The following FBLN5 variants were observed in gnomAD, a reference collection of about 807,000 sequenced individuals.
FBLN5 encodes fibulin 5.
In FBLN5, 24 loss-of-function variants were observed where a neutral mutation model predicts 61.6. The ratio of observed to expected loss-of-function variants is 0.39; its 90% CI spans 0.28 to 0.55. The LOEUF (loss-of-function observed/expected upper bound fraction) is 0.55, where lower values mean the gene tolerates loss of function less well. Ranked by LOEUF, FBLN5 falls within the 20% of genes least tolerant of loss-of-function variation. The pLI is 0.65. For missense variants in FBLN5, 470 were observed against 594.1 expected (o/e 0.79, Z 2.17); for synonymous variants, 213 against 219.8 (o/e 0.97, Z 0.27).
chr14:91,892,063 G>A (rs1478678474), intron 5 of FBLN5, among the ~76,000 whole-genome samples: 1 of 152,196 alleles, frequency 6.6e-6, no homozygotes, highest in East Asian at 1.9e-4. Context: ...GAAAGCGGCG[G>A]CACTGTGGGT....
intron 4 of FBLN5, among the ~76,000 whole-genome samples, chr14:91,921,429 C>G (rs1414845953): frequency 6.6e-6 from 1 of 152,102 alleles, no homozygotes; most frequent in Admixed American, 6.5e-5. Context: ...CGTTTCTTCC[C>G]CTCTTGAAGT....
chr14:91,912,317 C>T (rs941978149), intron 4 of FBLN5, among the ~76,000 whole-genome samples: 7 of 152,042 alleles, frequency 4.6e-5, no homozygotes, highest in African/African-American at 1.4e-4. Context: ...AGCAACATAG[C>T]GAGACCCTGT....
chr14:91,919,250 G>A (rs985808811), intron 4 of FBLN5, among the ~76,000 whole-genome samples: 1 of 151,100 alleles, frequency 6.6e-6, no homozygotes, highest in Non-Finnish European at 1.5e-5. Flanking sequence ...AAAATGATGT[G>A]AACTTGGGAG....
chr14:91,902,907 A>C (rs745691739), intron 4 of FBLN5, among the ~76,000 whole-genome samples: 10 of 152,156 alleles, frequency 6.6e-5, no homozygotes, highest in Non-Finnish European at 1.3e-4. Flanking sequence ...AGATGGCCAC[A>C]ATAGACATTG....
In FBLN5 at chr14:91,923,809, C is replaced by A. The variant is rs78064911; in HGVS notation, c.379+13138G>T. Among the ~76,000 whole-genome samples, 564 of 152,260 alleles carry A rather than the reference C, an allele frequency of 3.7e-3. 3 individuals are homozygous for A. The highest frequency in any genetic ancestry group is 0.013 in the African/African-American group (533 of 41,534). ...CTCGTTCATCCTTAGACCCTCCTAGCCCTTGGCAGTGTCTGACACAGAAAA... is the reference window on the plus strand; with the variant it reads ...CTCGTTCATCCTTAGACCCTCCTAGACCTTGGCAGTGTCTGACACAGAAAA... On this transcript the variant is annotated intron_variant, in intron 4 of 10. Coordinates refer to ENST00000342058, the MANE Select transcript of FBLN5 (RefSeq NM_006329.4).
At chr14:91,891,086 G>A (rs1889973872) in intron 6 of FBLN5, 135 bp downstream of exon 6, 1 of 724,914 alleles carries the variant, frequency 1.4e-6, no homozygotes. Flanking sequence ...GTAGTAATGG[G>A]GATGGGCGGG....
intron 4 of FBLN5, among the ~76,000 whole-genome samples, chr14:91,928,171 C>A (rs2055861055): frequency 6.6e-6 from 1 of 152,226 alleles, no homozygotes; most frequent in Admixed American, 6.5e-5. Context: ...GCTGTTAAAA[C>A]ACACGCAACA....
At chr14:91,876,947 A>G (rs914162932) in intron 10 of FBLN5, among the ~76,000 whole-genome samples, 1 of 151,878 alleles carries the variant, frequency 6.6e-6, no homozygotes, top group Non-Finnish European at 1.5e-5. Context: ...CCCATCTCAC[A>G]CCACCTCCCC....
chr14:91,922,531 G>A (rs1156448975), intron 4 of FBLN5, among the ~76,000 whole-genome samples: 1 of 152,140 alleles, frequency 6.6e-6, no homozygotes, highest in Non-Finnish European at 1.5e-5. Flanking sequence ...ATGGGGAGAA[G>A]TGGAGACCAC....
chr14:91,935,925 C>T (rs1350071022), intron 4 of FBLN5, among the ~76,000 whole-genome samples: 2 of 152,188 alleles, frequency 1.3e-5, no homozygotes, highest in Admixed American at 6.5e-5. Flanking sequence ...TTGAGACCAG[C>T]GAAAATGCAG....
chr14:91,930,531 C>T (rs2268003), intron 4 of FBLN5, among the ~76,000 whole-genome samples: 8 of 152,160 alleles, frequency 5.3e-5, no homozygotes, highest in Non-Finnish European at 1.0e-4. Context: ...CATGGTTTCA[C>T]GCATTTTCCT....
At chr14:91,935,807 C>T (rs183712702) in intron 4 of FBLN5, among the ~76,000 whole-genome samples, 6 of 152,314 alleles carry the variant, frequency 3.9e-5, no homozygotes, top group African/African-American at 7.2e-5. Flanking sequence ...CCGGACCCTG[C>T]GCTCATTCCC....
chr14:91,936,171 A>T (rs543054373), intron 4 of FBLN5, among the ~76,000 whole-genome samples: 1 of 152,372 alleles, frequency 6.6e-6, no homozygotes, highest in Admixed American at 6.5e-5. Flanking sequence ...AAAATGGGAC[A>T]AACAAAAATC....
chr14:91,878,713 A>G (rs898702660), intron 9 of FBLN5, among the ~76,000 whole-genome samples: 4 of 151,990 alleles, frequency 2.6e-5, no homozygotes, highest in Non-Finnish European at 5.9e-5. Context: ...GTTAAAGTCA[A>G]CTCATTTTCC....
chr14:91,871,781 TG>T (rs1321836175), intron 10 of FBLN5, among the ~76,000 whole-genome samples: 1 of 151,224 alleles, frequency 6.6e-6, no homozygotes, highest in Non-Finnish European at 1.5e-5. Flanking sequence ...TGCTTGAACC[TG>T]GGGGGCAGAG....
At chr14:91,898,466 C>T (rs1174598338) in intron 4 of FBLN5, among the ~76,000 whole-genome samples, 2 of 152,090 alleles carry the variant, frequency 1.3e-5, no homozygotes, top group African/African-American at 4.8e-5. Flanking sequence ...GAAGTGTTCA[C>T]ACGGTGGGCT....
intron 5 of FBLN5, among the ~76,000 whole-genome samples, chr14:91,894,417 A>AAC (rs1555375900): frequency 2.0e-5 from 3 of 147,962 alleles, no homozygotes; most frequent in East Asian, 4.0e-4. Context: ...AAAAAAAAAA[A>AAC]AAAAAAAAAA....
chr14:91,891,307 T>C lies in FBLN5; in HGVS notation c.533A>G (p.Gln178Arg). 1 of 1,613,818 alleles carries C rather than the reference T, an allele frequency of 6.2e-7. No individual in the cohort carries two copies. The highest frequency in any genetic ancestry group is 8.5e-7 in the Non-Finnish European group (1 of 1,179,694). The part of the protein sequence containing the change: ...DIDECRYGYC[Q>R]QLCANVPGSY... ...TCCAGGAACATTCGCACAGAGCTGC[T>C]GGCAGTAACCATAGCGACATTCATC... Residue 178 changes from glutamine to arginine, a missense_variant, in exon 6 of 11, where the codon CAG becomes CGG. Gln to Arg is a conservative substitution (Grantham distance 43). Transcript: ENST00000342058.
At chr14:91,919,565 A>G (rs913456248) in intron 4 of FBLN5, among the ~76,000 whole-genome samples, 1 of 152,142 alleles carries the variant, frequency 6.6e-6, no homozygotes, top group Non-Finnish European at 1.5e-5. Flanking sequence ...TCAGAATGTG[A>G]CTGCAATTGG....
Sources: allele counts gnomAD v4.1 joint callset (sites outside exome capture counted in the v4.1 genomes callset), GRCh38; gene constraint gnomAD v4.1.1; transcripts MANE v1.5; gene names NCBI Gene and HGNC (gene_info 2026-07-23, HGNC 2026-07-21).